Variants in OPCML observed in about 807,000 individuals in gnomAD.
OPCML encodes the protein opioid binding protein/cell adhesion molecule like.
In OPCML, 13 loss-of-function variants were observed where a neutral mutation model predicts 37.8. That is an observed-to-expected ratio of 0.34 (90% CI 0.22 to 0.55). The LOEUF is 0.55. Ranked by LOEUF, OPCML falls within the 20% of genes least tolerant of loss-of-function variation. The pLI is 0.91. For missense variants in OPCML, 341 were observed against 435.6 expected (o/e 0.78, Z 1.93); for synonymous variants, 176 against 168.8 (o/e 1.04, Z -0.33).
At chr11:132,644,408 C>T (rs1259262446) in intron 3 of OPCML, among the ~76,000 whole-genome samples, 1 of 151,554 alleles carries the variant, frequency 6.6e-6, no homozygotes, top group Non-Finnish European at 1.5e-5. Context: ...CGCTTACCTG[C>T]GGATTTTAGG....
intron 3 of OPCML, among the ~76,000 whole-genome samples, chr11:132,617,125 T>A (rs1261702692): frequency 6.6e-6 from 1 of 152,234 alleles, no homozygotes; most frequent in Non-Finnish European, 1.5e-5. Flanking sequence ...ACTCTGAATC[T>A]TTCTATATCT....
At chr11:133,091,172 G>A (rs1948899869) in intron 1 of OPCML, among the ~76,000 whole-genome samples, 1 of 152,196 alleles carries the variant, frequency 6.6e-6, no homozygotes, top group Non-Finnish European at 1.5e-5. Flanking sequence ...GGGCACAAGT[G>A]GTCAGCTTTG....
At chr11:133,285,024 T>A (rs1405068240) in intron 1 of OPCML, among the ~76,000 whole-genome samples, 1 of 151,896 alleles carries the variant, frequency 6.6e-6, no homozygotes, top group South Asian at 2.1e-4. Flanking sequence ...ACGAGATACA[T>A]AAACAAATCA....
At chr11:132,780,369 G>A (rs986705971) in intron 2 of OPCML, among the ~76,000 whole-genome samples, 19 of 152,186 alleles carry the variant, frequency 1.2e-4, no homozygotes, top group African/African-American at 3.6e-4. Context: ...CAGCTTTTTT[G>A]ATGGGACATT....
chr11:133,082,951 C>G (rs1306093939), intron 1 of OPCML, among the ~76,000 whole-genome samples: 2 of 150,820 alleles, frequency 1.3e-5, no homozygotes, highest in African/African-American at 4.8e-5. Flanking sequence ...GCGCCAGTGC[C>G]TCGCCGGGAC....
chr11:132,984,268 G>C (rs894869576), intron 1 of OPCML, among the ~76,000 whole-genome samples: 3 of 152,094 alleles, frequency 2.0e-5, no homozygotes, highest in African/African-American at 4.8e-5. Flanking sequence ...TATTTTCTTA[G>C]AGTCCTTATA....
At chr11:132,473,158 G>A (rs193282902) in intron 4 of OPCML, among the ~76,000 whole-genome samples, 72 of 152,324 alleles carry the variant, frequency 4.7e-4, no homozygotes, top group African/African-American at 1.7e-3. Context: ...CAAATGCCAA[G>A]TGAATGACCT....
chr11:132,499,563 G>A (rs538199612), intron 4 of OPCML, among the ~76,000 whole-genome samples: 1 of 152,328 alleles, frequency 6.6e-6, no homozygotes, highest in South Asian at 2.1e-4. Flanking sequence ...TCGCAGAGGA[G>A]GCAGAGAAAT....
chr11:133,508,975 C>T (rs953675473), intron 1 of OPCML, among the ~76,000 whole-genome samples: 3 of 150,644 alleles, frequency 2.0e-5, no homozygotes, highest in East Asian at 1.9e-4. Flanking sequence ...TATATAAGTT[C>T]GTTTTTTTTT....
At chr11:132,609,625 C>T (rs910024477) in intron 3 of OPCML, among the ~76,000 whole-genome samples, 1 of 152,210 alleles carries the variant, frequency 6.6e-6, no homozygotes, top group African/African-American at 2.4e-5. Context: ...AATTCCTGCT[C>T]TTCCTTTAAA....
At chr11:133,303,012 G>A (rs191365083) in intron 1 of OPCML, among the ~76,000 whole-genome samples, 72 of 152,220 alleles carry the variant, frequency 4.7e-4, no homozygotes, top group Admixed American at 4.3e-3. Flanking sequence ...CACTCTTCAC[G>A]AACTAATTGT....
At chr11:133,014,827 C>T (rs1947289694) in intron 1 of OPCML, among the ~76,000 whole-genome samples, 1 of 152,128 alleles carries the variant, frequency 6.6e-6, no homozygotes, top group Admixed American at 6.5e-5. Flanking sequence ...AGTCTCAAGC[C>T]CTCTCTCTCT....
intron 2 of OPCML, among the ~76,000 whole-genome samples, chr11:132,748,645 A>AG (rs1228540862): frequency 1.3e-5 from 2 of 152,120 alleles, no homozygotes; most frequent in Non-Finnish European, 2.9e-5. Flanking sequence ...AGGGGCCTGC[A>AG]GGGGGGCAGC....
intron 1 of OPCML, among the ~76,000 whole-genome samples, chr11:133,519,597 T>TTGATTTCTCCCATCTCCCC (rs931456861): frequency 2.6e-5 from 4 of 152,256 alleles, no homozygotes; most frequent in African/African-American, 9.6e-5. Context: ...TGCATCTTCC[T>TTGATTTCTCCCATCTCCCC]TGATTTCTCC....
chr11:133,025,956 A>G, intron 1 of OPCML: 1 of 502,060 alleles, frequency 2.0e-6, no homozygotes, highest in African/African-American at 2.1e-5. Flanking sequence ...CGTGGTCTCG[A>G]ACTCCTGACC....
At chr11:133,500,804 C>G (rs1947894355) in intron 1 of OPCML, among the ~76,000 whole-genome samples, 1 of 152,174 alleles carries the variant, frequency 6.6e-6, no homozygotes, top group Admixed American at 6.5e-5. Context: ...AAAATAGAAA[C>G]CTTCGAATTT....
chr11:132,421,425 G>A (rs1454756286), intron 7 of OPCML, among the ~76,000 whole-genome samples: 1 of 152,158 alleles, frequency 6.6e-6, no homozygotes, highest in Admixed American at 6.5e-5. Flanking sequence ...ATAAGCTGAG[G>A]TGCAGCAGAA....
intron 1 of OPCML, among the ~76,000 whole-genome samples, chr11:132,998,157 C>T (rs1240271815): frequency 1.3e-5 from 2 of 152,178 alleles, no homozygotes; most frequent in Non-Finnish European, 2.9e-5. Context: ...AGAAACATCC[C>T]CAGTCTGTCA....
intron 1 of OPCML, among the ~76,000 whole-genome samples, chr11:133,466,133 A>G (rs1347526015): frequency 6.6e-6 from 1 of 152,156 alleles, no homozygotes; most frequent in Non-Finnish European, 1.5e-5. Flanking sequence ...TTCACCTATC[A>G]ACAATGGCGC....
Sources: allele counts gnomAD v4.1 joint callset (sites outside exome capture counted in the v4.1 genomes callset), GRCh38; gene constraint gnomAD v4.1.1; transcripts MANE v1.5; gene names NCBI Gene and HGNC (gene_info 2026-07-23, HGNC 2026-07-21).